Variants in TRPC4AP observed in about 807,000 individuals in gnomAD.
The protein encoded by TRPC4AP is transient receptor potential cation channel subfamily C member 4 associated protein.
A neutral mutation model predicts 99.0 loss-of-function variants in TRPC4AP; 45 were observed. The observed-to-expected ratio is 0.45, with a 90% confidence interval of 0.36 to 0.58. The LOEUF (loss-of-function observed/expected upper bound fraction) is 0.58. TRPC4AP is among the 20% of genes least tolerant of loss of function. The probability of loss-of-function intolerance (pLI) is 0.00; values close to 1 mark genes in which losing one functional copy is unlikely to be tolerated. For missense variants in TRPC4AP, 879 were observed against 985.3 expected (o/e 0.89, Z 1.44); for synonymous variants, 408 against 385.8 (o/e 1.06, Z -0.67).
chr20:35,021,165 C>A, intron 9 of TRPC4AP, 25 bp downstream of exon 9: 4 of 1,603,496 alleles, frequency 2.5e-6, no homozygotes, highest in Non-Finnish European at 2.6e-6. Flanking sequence ...CTCCCCGTGT[C>A]CTGAGACGCT....
Position 35,010,297 on chromosome 20 carries a change from A to G in TRPC4AP, c.1410-9T>C. On this transcript the variant is annotated splice_polypyrimidine_tract_variant and intron_variant, in intron 11 of 18. Coordinates refer to ENST00000252015, the MANE Select transcript of TRPC4AP (RefSeq NM_015638.3). ...GTAACAAGTACTTGTTCCTGAAACA[A>G]AATGGGTTGGAGGAGGTAAAGGACA... 1 of 1,613,592 alleles carries G rather than the reference A, an allele frequency of 6.2e-7. No individual in the cohort carries two copies. The highest frequency in any genetic ancestry group is 8.5e-7 in the Non-Finnish European group (1 of 1,179,512).
Position 35,003,216 on chromosome 20 carries a change from G to A in TRPC4AP, c.2324C>T (p.Ser775Leu). The A allele has an allele frequency of 6.2e-7, 1 of 1,614,234 alleles. No individual in the cohort carries two copies. The highest frequency in any genetic ancestry group is 8.5e-7 in the Non-Finnish European group (1 of 1,180,034). ...VSILLNPDRQ[S>L]PSALVSYIEE... is the part of the protein sequence containing the mutation. ...AATGTAGCTAACGAGAGCAGAGGGT[G>A]ACTGCCGGTCCGGGTTCAACAGGAT... is the stretch of plus-strand genomic sequence containing the variant. The change falls in exon 19 of 19, where the codon TCA (serine) becomes TTA (leucine). Residue 775 changes from serine (S) to leucine (L), a missense_variant. Physicochemically the swap from Ser to Leu is moderately radical, Grantham distance 145. Transcript: ENST00000252015.
chr20:35,034,426 C>G (rs1356804614), intron 8 of TRPC4AP, among the ~76,000 whole-genome samples: 1 of 152,066 alleles, frequency 6.6e-6, no homozygotes, highest in Non-Finnish European at 1.5e-5. Flanking sequence ...GATAGAGCTT[C>G]CACACCGTGA....
chr20:35,025,665 T>C (rs574525143), intron 8 of TRPC4AP, among the ~76,000 whole-genome samples: 8 of 152,338 alleles, frequency 5.3e-5, no homozygotes, highest in Admixed American at 4.6e-4. Context: ...TTATTAGATA[T>C]ATTATTTGCA....
chr20:35,004,862 A>G (rs376823057), intron 16 of TRPC4AP, among the ~76,000 whole-genome samples: 3 of 152,128 alleles, frequency 2.0e-5, no homozygotes, highest in African/African-American at 7.2e-5. Context: ...TGCCCTCCAT[A>G]TCACACACAG....
chr20:35,008,860 G>T, intron 12 of TRPC4AP, 113 bp from the exon 13 acceptor site: 1 of 958,462 alleles, frequency 1.0e-6, no homozygotes, highest in Non-Finnish European at 1.6e-6. Flanking sequence ...TTCCAAGTCT[G>T]CAGGATGCCT....
chr20:35,009,120 G>C (rs2082577590), intron 12 of TRPC4AP, among the ~76,000 whole-genome samples: 1 of 152,218 alleles, frequency 6.6e-6, no homozygotes, highest in Non-Finnish European at 1.5e-5. Context: ...CCGTGCCTGA[G>C]GTTCACTTCC....
chr20:35,008,770 G>A, intron 12 of TRPC4AP, 23 bp from the exon 13 acceptor site: 2 of 1,608,726 alleles, frequency 1.2e-6, no homozygotes, highest in Non-Finnish European at 1.7e-6. Flanking sequence ...AGAGATATTG[G>A]TGACAGATCT....
chr20:35,051,069 C>T lies in TRPC4AP; in HGVS notation c.529-1075G>A, dbSNP rs62213708. ...ACACACACACACACACACACACACA[C>T]ATATATATCCCACCCCTACTGCCTT... On this transcript the variant is annotated intron_variant, in intron 5 of 18. Coordinates refer to ENST00000252015, the MANE Select transcript of TRPC4AP (RefSeq NM_015638.3). Among the ~76,000 whole-genome samples the T allele has an allele frequency of 1.2e-4, 17 of 138,162 alleles. No homozygotes were observed. The South Asian group carries it at 1.4e-3, about 11-fold the overall frequency. The allele number at this position is 138,162 out of a possible 152,430, so 90.6% of individuals were successfully genotyped here.
chr20:35,088,162 T>C (rs939214164), intron 1 of TRPC4AP, among the ~76,000 whole-genome samples: 1 of 152,236 alleles, frequency 6.6e-6, no homozygotes, highest in Non-Finnish European at 1.5e-5. Context: ...TGAGAAAGTA[T>C]GTTTCAGTCA....
intron 7 of TRPC4AP, among the ~76,000 whole-genome samples, chr20:35,042,822 GTGTTT>G (rs1017131075): frequency 6.6e-6 from 1 of 152,170 alleles, no homozygotes; most frequent in Non-Finnish European, 1.5e-5. Flanking sequence ...GGTTAGAATA[GTGTTT>G]TGTTTTTAAG....
chr20:35,089,715 G>A lies in TRPC4AP; in HGVS notation c.168+2899C>T, dbSNP rs188305113. On this transcript the variant is annotated intron_variant, in intron 1 of 18. Transcript: ENST00000252015. ...AATACAAAAAGTAGCCAGGTGTGGTGGCACACGACTGTAATCCCAGCTACT... is the reference window on the plus strand; with the variant it reads ...AATACAAAAAGTAGCCAGGTGTGGTAGCACACGACTGTAATCCCAGCTACT... 1.6e-4 allele frequency among the ~76,000 whole-genome samples: 24 copies of A among 152,202 alleles called. 1 individual carries two copies. In the East Asian group the frequency reaches 4.6e-3, roughly 29 times the overall value.
At chr20:35,039,416 C>T (rs905733488) in intron 7 of TRPC4AP, among the ~76,000 whole-genome samples, 2 of 152,240 alleles carry the variant, frequency 1.3e-5, no homozygotes, top group African/African-American at 4.8e-5. Context: ...TCATACCTAG[C>T]AACTCATACA....
rs1380750821 is a variant in TRPC4AP at position 35,016,107 on chromosome 20, G to A, written c.1251C>T (p.Ile417=). 6 of 1,614,166 alleles carry A rather than the reference G, an allele frequency of 3.7e-6. No individual in the cohort carries two copies. In the East Asian group the frequency reaches 1.3e-4, roughly 36 times the overall value. The part of the protein sequence containing the change: ...VHRMIAEFKL[I]PGLNNLFDKL... ...TGTCAAACAAATTATTAAGTCCAGG[G>A]ATCAGCTTGAACTCTGCAATCATTC... The change falls in exon 10 of 19, where the codon ATC becomes ATT. Residue 417 remains isoleucine, a synonymous_variant. Transcript: ENST00000252015.
At chr20:35,085,850 A>T (rs1386624303) in intron 1 of TRPC4AP, among the ~76,000 whole-genome samples, 1 of 152,136 alleles carries the variant, frequency 6.6e-6, no homozygotes, top group Non-Finnish European at 1.5e-5. Flanking sequence ...GTTTCCACTG[A>T]TTTTATTGTT....
At chr20:35,008,556 C>T (rs1393327546) in intron 13 of TRPC4AP, 108 bp downstream of exon 13, 1 of 920,030 alleles carries the variant, frequency 1.1e-6, no homozygotes, top group Non-Finnish European at 1.7e-6. Flanking sequence ...AGTAATTGTG[C>T]TTCAGGAGGC....
chr20:35,091,934 G>C (rs1243431264), intron 1 of TRPC4AP, among the ~76,000 whole-genome samples: 2 of 152,156 alleles, frequency 1.3e-5, no homozygotes, highest in African/African-American at 4.8e-5. Context: ...GAGAGGAGCA[G>C]GGCTTTGAAC....
Position 35,005,804 on chromosome 20 carries a change from C to G in TRPC4AP, c.1828-1G>C. 1 of 1,613,988 alleles carries G rather than the reference C, an allele frequency of 6.2e-7. No homozygotes were observed. Among genetic ancestry groups the G allele is most frequent in the Non-Finnish European group, 8.5e-7 (1 of 1,179,858 alleles). On this transcript the variant is annotated splice_acceptor_variant, in intron 15 of 18. Coordinates refer to ENST00000252015, the MANE Select transcript of TRPC4AP (RefSeq NM_015638.3). LOFTEE classifies it high-confidence loss of function. ...TGATCTGCTTCAGGAATACCTGGAA[C>G]TATACAGAAACCAAGCTCACAGCAG...
At chr20:35,055,543 G>T (rs1195436779) in intron 4 of TRPC4AP, among the ~76,000 whole-genome samples, 1 of 152,036 alleles carries the variant, frequency 6.6e-6, no homozygotes, top group Non-Finnish European at 1.5e-5. Flanking sequence ...TTTTTTAAAT[G>T]AGGTCTTACT....
Sources: allele counts gnomAD v4.1 joint callset (sites outside exome capture counted in the v4.1 genomes callset), GRCh38; gene constraint gnomAD v4.1.1; transcripts MANE v1.5; gene names NCBI Gene and HGNC (gene_info 2026-07-23, HGNC 2026-07-21).